The following COLEC10 variants were observed in gnomAD, a reference collection of about 807,000 sequenced individuals.
COLEC10 encodes collectin subfamily member 10, also known as collectin-10.
COLEC10 carries 22 observed loss-of-function variants against 28.4 expected under a neutral mutation model. The ratio of observed to expected loss-of-function variants is 0.78; its 90% CI spans 0.55 to 1.11. COLEC10 has a LOEUF of 1.11. Among genes scored for constraint, COLEC10 ranks in the 50% least tolerant of loss-of-function variants. The pLI, the probability that COLEC10 is intolerant of heterozygous loss-of-function variation, is 0.00. For missense variants in COLEC10, 361 were observed against 344.1 expected, an observed-to-expected ratio of 1.05 and a Z score of -0.39; for synonymous variants, 125 against 116.1, an observed-to-expected ratio of 1.08 and a Z score of -0.49.
intron 3 of COLEC10, among the ~76,000 whole-genome samples, chr8:119,101,645 T>G (rs1302910884): frequency 1.3e-5 from 2 of 152,208 alleles, no homozygotes; most frequent in Non-Finnish European, 2.9e-5. Context: ...ATACATCACT[T>G]CACTTCTAAA....
the COLEC10 span, among the ~76,000 whole-genome samples, chr8:118,971,688 T>C: frequency 6.6e-6 from 1 of 152,000 alleles, no homozygotes; most frequent in Admixed American, 6.6e-5. Context: ...ATAAAAAATG[T>C]TGAAGTCTGG....
chr8:119,022,336 C>T (rs2130109703), intron 2 of COLEC10, among the ~76,000 whole-genome samples: 1 of 152,178 alleles, frequency 6.6e-6, no homozygotes, highest in African/African-American at 2.4e-5. Context: ...AGTATTTGTG[C>T]CTCAATCCTT....
At chr8:119,016,606 C>G (rs1174556428) in intron 2 of COLEC10, among the ~76,000 whole-genome samples, 1 of 152,098 alleles carries the variant, frequency 6.6e-6, no homozygotes, top group Non-Finnish European at 1.5e-5. Flanking sequence ...ACCACACTGT[C>G]TTCCACAATC....
At chr8:119,003,289 A>C (rs941678004) in intron 1 of COLEC10, among the ~76,000 whole-genome samples, 4 of 152,120 alleles carry the variant, frequency 2.6e-5, no homozygotes, top group African/African-American at 9.7e-5. Context: ...AATGTCAGAA[A>C]CTATGTGGAT....
intron 2 of COLEC10, among the ~76,000 whole-genome samples, chr8:119,038,274 T>C (rs1464480298): frequency 6.6e-6 from 1 of 152,194 alleles, no homozygotes; most frequent in Non-Finnish European, 1.5e-5. Flanking sequence ...GAGAATGTAA[T>C]GGGATTATAT....
At chr8:119,094,340 A>T (rs1563742177) in intron 3 of COLEC10, among the ~76,000 whole-genome samples, 1 of 152,246 alleles carries the variant, frequency 6.6e-6, no homozygotes, top group African/African-American at 2.4e-5. Context: ...ATTAATTTAC[A>T]TATAACACCA....
At chr8:118,957,148 A>G in the COLEC10 span, among the ~76,000 whole-genome samples, 2 of 152,350 alleles carry the variant, frequency 1.3e-5, no homozygotes, top group South Asian at 4.1e-4. Context: ...AAAAACATAT[A>G]CATTTATTCA....
chr8:119,035,316 C>A (rs991520191), intron 2 of COLEC10, among the ~76,000 whole-genome samples: 1 of 79,898 alleles, frequency 1.3e-5, no homozygotes, highest in Non-Finnish European at 2.4e-5. Flanking sequence ...TGTGAAAAGC[C>A]GATGTAGGAA....
At chr8:119,073,472 A>G (rs1157703780) in intron 1 of COLEC10, among the ~76,000 whole-genome samples, 1 of 152,174 alleles carries the variant, frequency 6.6e-6, no homozygotes, top group African/African-American at 2.4e-5. Flanking sequence ...AAAACTTTTT[A>G]TTAATTGTAT....
chr8:119,002,097 A>G (rs1018821354), intron 1 of COLEC10, among the ~76,000 whole-genome samples: 4 of 152,212 alleles, frequency 2.6e-5, no homozygotes, highest in Non-Finnish European at 4.4e-5. Flanking sequence ...GTTAGTTTAC[A>G]GTCCTACTTC....
intron 1 of COLEC10, among the ~76,000 whole-genome samples, chr8:118,997,960 C>T (rs1191398453): frequency 1.3e-5 from 2 of 152,080 alleles, no homozygotes; most frequent in Non-Finnish European, 2.9e-5. Context: ...AAAATAAATT[C>T]ATCTTGTACT....
intron 5 of COLEC10, among the ~76,000 whole-genome samples, chr8:119,104,517 C>T (rs1260243873): frequency 6.6e-6 from 1 of 152,048 alleles, no homozygotes; most frequent in East Asian, 1.9e-4. Flanking sequence ...TTTTTTAATG[C>T]TAGTTATCAG....
intron 1 of COLEC10, among the ~76,000 whole-genome samples, chr8:119,075,979 C>T (rs2450078): frequency 0.11 from 16,451 of 144,872 alleles, 1,246 homozygotes; most frequent in South Asian, 0.17. Flanking sequence ...CGGCTCACTG[C>T]AAGCTCCGCC....
chr8:118,979,323 T>C, the COLEC10 span, among the ~76,000 whole-genome samples: 8 of 152,090 alleles, frequency 5.3e-5, no homozygotes, highest in African/African-American at 1.9e-4. Context: ...CTCTACTTTT[T>C]GGACATTTAT....
intron 2 of COLEC10, among the ~76,000 whole-genome samples, chr8:119,055,996 T>C (rs1412678157): frequency 1.3e-5 from 2 of 152,094 alleles, no homozygotes; most frequent in Non-Finnish European, 2.9e-5. Context: ...GTATCCAAGA[T>C]TCAATTCATC....
At chr8:119,079,979 G>A (rs1000975759) in intron 1 of COLEC10, among the ~76,000 whole-genome samples, 1 of 152,066 alleles carries the variant, frequency 6.6e-6, no homozygotes, top group African/African-American at 2.4e-5. Flanking sequence ...CTTACATATT[G>A]TGTTTCCTTG....
intron 2 of COLEC10, among the ~76,000 whole-genome samples, chr8:119,042,261 G>C (rs921837005): frequency 1.3e-5 from 2 of 152,104 alleles, no homozygotes; most frequent in Non-Finnish European, 2.9e-5. Flanking sequence ...GCCTCCCAAA[G>C]TGCTGGGATT....
At chr8:119,016,974 G>C (rs1401085386) in intron 2 of COLEC10, among the ~76,000 whole-genome samples, 3 of 139,974 alleles carry the variant, frequency 2.1e-5, no homozygotes, top group African/African-American at 8.1e-5. Flanking sequence ...TCGGGCTCCT[G>C]AAGTGCTGGG....
rs533322644 is a variant in COLEC10 at position 119,105,875 on chromosome 8, T to C, written c.518T>C (p.Leu173Pro). 1 of 1,613,704 alleles carries C rather than the reference T, an allele frequency of 6.2e-7. No individual in the cohort carries two copies. Among genetic ancestry groups the C allele is most frequent in the East Asian group, 2.2e-5 (1 of 44,858 alleles). ...GAAGAGAAGAACTACAGGGAATCCC[T>C]AACCCACTGCAGGATTCGGGGTGGA... ...VQEEKNYRESLTHCRIRGGML... is the reference protein window; with the variant it reads ...VQEEKNYRESPTHCRIRGGML... The change falls in exon 6 of 6, where the codon CTA (leucine) becomes CCA (proline). Residue 173 changes from leucine (L) to proline (P), a missense_variant. Coordinates refer to ENST00000332843, the MANE Select transcript of COLEC10 (RefSeq NM_006438.5).
Sources: allele counts gnomAD v4.1 joint callset (sites outside exome capture counted in the v4.1 genomes callset), GRCh38; gene constraint gnomAD v4.1.1; transcripts MANE v1.5; gene names NCBI Gene and HGNC (gene_info 2026-07-23, HGNC 2026-07-21).